Variants in AGBL4 observed in about 807,000 individuals in gnomAD.
The protein encoded by AGBL4 is cytosolic carboxypeptidase 6.
AGBL4 carries 58 observed loss-of-function variants against 66.4 expected under a neutral mutation model. The ratio of observed to expected loss-of-function variants is 0.87; its 90% CI spans 0.71 to 1.09. The LOEUF (loss-of-function observed/expected upper bound fraction) is 1.09. AGBL4 is among the 50% of genes least tolerant of loss of function. AGBL4 has a pLI of 0.00. For synonymous variants in AGBL4, 234 were observed against 222.9 expected (o/e 1.05, Z -0.44); for missense variants, 579 against 631.0 (o/e 0.92, Z 0.88).
intron 2 of AGBL4, among the ~76,000 whole-genome samples, chr1:49,743,295 T>C (rs1650695067): frequency 6.6e-6 from 1 of 152,046 alleles, no homozygotes; most frequent in Non-Finnish European, 1.5e-5. Context: ...AACAGACACA[T>C]GAAAAAATGC....
rs190375503 is a variant in AGBL4 at position 49,403,358 on chromosome 1, G to A, written c.283-157494C>T. Among the ~76,000 whole-genome samples the A allele has an allele frequency of 5.2e-4, 79 of 152,104 alleles. 1 individual carries two copies. The highest frequency in any genetic ancestry group is 1.5e-4 in the Non-Finnish European group (10 of 67,986). On this transcript the variant is annotated intron_variant, in intron 3 of 13. Coordinates refer to ENST00000371839, the MANE Select transcript of AGBL4 (RefSeq NM_032785.4). Reference sequence around the variant, plus strand: ...ATCACTTTATTTTTAGTCTATGTGTGTCTTTATAGGCAAAATGTGTTTCTT... The same window carrying A: ...ATCACTTTATTTTTAGTCTATGTGTATCTTTATAGGCAAAATGTGTTTCTT...
At chr1:49,549,998 T>C (rs1652824642) in intron 3 of AGBL4, among the ~76,000 whole-genome samples, 1 of 152,188 alleles carries the variant, frequency 6.6e-6, no homozygotes, top group South Asian at 2.1e-4. Context: ...GATTGTGATA[T>C]TTTCCTGTTG....
chr1:49,196,569 C>A (rs1432339427), intron 4 of AGBL4, among the ~76,000 whole-genome samples: 3 of 151,950 alleles, frequency 2.0e-5, no homozygotes, highest in Admixed American at 6.6e-5. Flanking sequence ...TGTTATAATA[C>A]CTTGTTTTTT....
chr1:49,352,103 C>A (rs941418660), intron 3 of AGBL4, among the ~76,000 whole-genome samples: 1 of 152,224 alleles, frequency 6.6e-6, no homozygotes, highest in African/African-American at 2.4e-5. Context: ...ACCTTTAATC[C>A]TTTAAGATCC....
At chr1:49,533,281 G>A (rs1186058133) in intron 3 of AGBL4, among the ~76,000 whole-genome samples, 3 of 152,034 alleles carry the variant, frequency 2.0e-5, no homozygotes, top group Admixed American at 1.3e-4. Context: ...CTGACTCTGC[G>A]CTTCTAAACT....
chr1:48,676,719 G>A (rs1407872608), intron 6 of AGBL4, among the ~76,000 whole-genome samples: 3 of 152,062 alleles, frequency 2.0e-5, no homozygotes, highest in African/African-American at 4.8e-5. Context: ...CTTTCCCCTA[G>A]GTATGTGAGG....
intron 3 of AGBL4, among the ~76,000 whole-genome samples, chr1:49,566,217 G>A (rs530115813): frequency 5.8e-4 from 88 of 152,048 alleles, no homozygotes; most frequent in African/African-American, 1.9e-3. Flanking sequence ...TTTTTTTCAA[G>A]TTTTTAGCTT....
intron 11 of AGBL4, among the ~76,000 whole-genome samples, chr1:48,569,499 A>G (rs1254874190): frequency 1.3e-5 from 2 of 152,204 alleles, no homozygotes; most frequent in African/African-American, 4.8e-5. Flanking sequence ...CCAGGAGCCC[A>G]GAACCTAATG....
At chr1:48,524,514 G>T in the AGBL4 span, among the ~76,000 whole-genome samples, 1 of 152,268 alleles carries the variant, frequency 6.6e-6, no homozygotes, top group East Asian at 1.9e-4. Context: ...ACATCGTGCT[G>T]AGCACAGTCC....
At chr1:49,602,864 TAAAA>T (rs1483336589) in intron 3 of AGBL4, among the ~76,000 whole-genome samples, 1 of 139,692 alleles carries the variant, frequency 7.2e-6, no homozygotes, top group Non-Finnish European at 1.6e-5. Flanking sequence ...AATAAATAAA[TAAAA>T]ATCTAGATGA....
intron 5 of AGBL4, among the ~76,000 whole-genome samples, chr1:49,017,730 T>C (rs771953039): frequency 2.6e-5 from 4 of 152,198 alleles, no homozygotes; most frequent in Non-Finnish European, 5.9e-5. Context: ...AGGTGCTTAA[T>C]ATATATTGAA....
intron 4 of AGBL4, among the ~76,000 whole-genome samples, chr1:49,051,406 C>T (rs1644207624): frequency 6.6e-6 from 1 of 152,170 alleles, no homozygotes; most frequent in Admixed American, 6.6e-5. Context: ...ATTTATCCAA[C>T]AACGGCAGTT....
chr1:49,220,499 C>A (rs1649413769), intron 4 of AGBL4, among the ~76,000 whole-genome samples: 1 of 152,128 alleles, frequency 6.6e-6, no homozygotes, highest in African/African-American at 2.4e-5. Context: ...TATAAGACAT[C>A]TATGATAGAG....
intron 11 of AGBL4, among the ~76,000 whole-genome samples, chr1:48,578,935 C>T (rs1039539303): frequency 6.6e-6 from 1 of 151,960 alleles, no homozygotes; most frequent in Non-Finnish European, 1.5e-5. Context: ...AGTTATCAAG[C>T]AGAAGCCCAC....
chr1:49,682,317 T>G (rs987920720), intron 3 of AGBL4, among the ~76,000 whole-genome samples: 12 of 152,110 alleles, frequency 7.9e-5, no homozygotes, highest in African/African-American at 2.9e-4. Flanking sequence ...GGCAGGAGAA[T>G]CTCTTGAATC....
At chr1:49,246,578 T>G (rs2148330143) in intron 3 of AGBL4, among the ~76,000 whole-genome samples, 1 of 152,024 alleles carries the variant, frequency 6.6e-6, no homozygotes. Context: ...TCTCTGGGTC[T>G]TATCTTTAAA....
chr1:48,607,012 A>C (rs1645163761), intron 9 of AGBL4, among the ~76,000 whole-genome samples: 1 of 152,140 alleles, frequency 6.6e-6, no homozygotes, highest in South Asian at 2.1e-4. Flanking sequence ...ACCAGTCAAA[A>C]GAAGGTTACA....
intron 3 of AGBL4, among the ~76,000 whole-genome samples, chr1:49,587,235 A>G (rs540697363): frequency 2.0e-5 from 3 of 152,138 alleles, no homozygotes; most frequent in African/African-American, 7.2e-5. Flanking sequence ...AACAAGAGTG[A>G]AATTCCATCT....
At chr1:48,950,287 G>T (rs1051597036) in intron 5 of AGBL4, among the ~76,000 whole-genome samples, 2 of 151,928 alleles carry the variant, frequency 1.3e-5, no homozygotes, top group African/African-American at 4.8e-5. Flanking sequence ...TAGTAGAAAG[G>T]GGGTGTTTCA....
Sources: allele counts gnomAD v4.1 joint callset (sites outside exome capture counted in the v4.1 genomes callset), GRCh38; gene constraint gnomAD v4.1.1; transcripts MANE v1.5; gene names NCBI Gene and HGNC (gene_info 2026-07-23, HGNC 2026-07-21).